Variants in PIK3C2G observed in about 807,000 individuals in gnomAD.
PIK3C2G encodes phosphatidylinositol-4-phosphate 3-kinase catalytic subunit type 2 gamma.
In PIK3C2G, 168 loss-of-function variants were observed where a neutral mutation model predicts 181.1. The ratio of observed to expected loss-of-function variants is 0.93; its 90% CI spans 0.82 to 1.05. The LOEUF is 1.05. Among genes scored for constraint, PIK3C2G ranks in the 50% least tolerant of loss-of-function variants. The pLI is 0.00. For missense variants in PIK3C2G, 1,869 were observed against 1,732.8 expected (o/e 1.08, Z -1.40); for synonymous variants, 573 against 592.2 (o/e 0.97, Z 0.47).
intron 18 of PIK3C2G, among the ~76,000 whole-genome samples, chr12:18,476,140 C>T (rs547761442): frequency 3.3e-5 from 5 of 152,216 alleles, no homozygotes; most frequent in Middle Eastern, 6.8e-3. Context: ...CATCCTTACA[C>T]GGGTGGATAA....
At chr12:18,334,110 A>C (rs930940943) in intron 8 of PIK3C2G, among the ~76,000 whole-genome samples, 3 of 152,178 alleles carry the variant, frequency 2.0e-5, no homozygotes, top group African/African-American at 7.2e-5. Context: ...ATAACATCAT[A>C]GTGCTGTTTT....
At chr12:18,691,758 A>G in the PIK3C2G span, among the ~76,000 whole-genome samples, 27 of 152,168 alleles carry the variant, frequency 1.8e-4, no homozygotes, top group Non-Finnish European at 7.4e-5. Context: ...AGGAGTACCA[A>G]CAATCCAGTG....
intron 32 of PIK3C2G, among the ~76,000 whole-genome samples, 200 bp from the exon 33 acceptor site, chr12:18,647,676 C>T (rs1443120907): frequency 6.6e-6 from 1 of 151,920 alleles, no homozygotes; most frequent in Non-Finnish European, 1.5e-5. Flanking sequence ...ACAAAAATAG[C>T]CTGTCATTAA....
intron 31 of PIK3C2G, among the ~76,000 whole-genome samples, chr12:18,622,514 A>C (rs192975908): frequency 6.6e-6 from 1 of 151,990 alleles, no homozygotes; most frequent in Admixed American, 6.6e-5. Flanking sequence ...GCTGCAATAA[A>C]TATGGCAGTG....
At chr12:18,541,039 C>T (rs1018916390) in intron 25 of PIK3C2G, among the ~76,000 whole-genome samples, 1 of 151,914 alleles carries the variant, frequency 6.6e-6, no homozygotes, top group African/African-American at 2.4e-5. Context: ...CTATTTTCTA[C>T]TTATGTATGT....
chr12:18,327,586 A>G (rs1175063729), intron 8 of PIK3C2G, among the ~76,000 whole-genome samples: 1 of 152,072 alleles, frequency 6.6e-6, no homozygotes, highest in African/African-American at 2.4e-5. Flanking sequence ...TTTTGTATCT[A>G]ATTTACAAAG....
At chr12:18,475,386 A>ACAC (rs1164243419) in intron 18 of PIK3C2G, among the ~76,000 whole-genome samples, 1 of 150,792 alleles carries the variant, frequency 6.6e-6, no homozygotes, top group Non-Finnish European at 1.5e-5. Flanking sequence ...ACACACACAC[A>ACAC]CACACACACA....
the PIK3C2G span, chr12:18,692,658 A>G: frequency 2.6e-5 from 17 of 644,816 alleles, no homozygotes; most frequent in Admixed American, 8.7e-5. Context: ...TGCAGGAGAA[A>G]AAAATCATTT....
intron 29 of PIK3C2G, among the ~76,000 whole-genome samples, chr12:18,574,725 A>G (rs1946142098): frequency 6.6e-6 from 1 of 152,212 alleles, no homozygotes; most frequent in African/African-American, 2.4e-5. Context: ...TTGTAACAGT[A>G]GGAAAACAGC....
At chr12:18,692,139 G>A in the PIK3C2G span, among the ~76,000 whole-genome samples, 14 of 152,134 alleles carry the variant, frequency 9.2e-5, no homozygotes, top group Non-Finnish European at 1.5e-4. Context: ...GCAGAGGAGC[G>A]CTCAGCAGCT....
At chr12:18,719,402 T>A in the PIK3C2G span, 5 of 1,288,260 alleles carry the variant, frequency 3.9e-6, no homozygotes, top group Non-Finnish European at 5.2e-6. Context: ...TATTTTTAAA[T>A]GTAATAGATT....
intron 18 of PIK3C2G, among the ~76,000 whole-genome samples, chr12:18,456,860 A>G (rs1565743241): frequency 1.3e-5 from 2 of 152,176 alleles, no homozygotes; most frequent in Non-Finnish European, 2.9e-5. Flanking sequence ...TACTCTCACC[A>G]ACGGCTGAAA....
At chr12:18,453,582 C>A (rs2135900948) in intron 18 of PIK3C2G, among the ~76,000 whole-genome samples, 1 of 152,184 alleles carries the variant, frequency 6.6e-6, no homozygotes, top group African/African-American at 2.4e-5. Flanking sequence ...TCAGGTTCAA[C>A]ATACAAGTTA....
At chr12:18,328,862 T>A (rs1951465846) in intron 8 of PIK3C2G, among the ~76,000 whole-genome samples, 1 of 151,894 alleles carries the variant, frequency 6.6e-6, no homozygotes, top group Non-Finnish European at 1.5e-5. Flanking sequence ...AAAATTGATT[T>A]GCATTCAGAA....
At chr12:18,675,975 G>A in the PIK3C2G span, among the ~76,000 whole-genome samples, 8 of 151,642 alleles carry the variant, frequency 5.3e-5, 1 homozygote, top group Non-Finnish European at 5.9e-5. Context: ...ATATAGCCAG[G>A]TAACAAGCCT....
chr12:18,698,435 G>T, the PIK3C2G span, among the ~76,000 whole-genome samples: 1 of 151,964 alleles, frequency 6.6e-6, no homozygotes, highest in African/African-American at 2.4e-5. Flanking sequence ...AAAAATCCAG[G>T]ATCTCTCTAA....
intron 19 of PIK3C2G, among the ~76,000 whole-genome samples, chr12:18,489,819 CAT>C (rs1273737418): frequency 1.3e-5 from 2 of 152,074 alleles, no homozygotes; most frequent in Non-Finnish European, 2.9e-5. Context: ...AAATCCCTCA[CAT>C]GTTTAAGATG....
At chr12:18,629,498 TA>T (rs1591708772) in intron 31 of PIK3C2G, among the ~76,000 whole-genome samples, 1 of 152,128 alleles carries the variant, frequency 6.6e-6, no homozygotes, top group South Asian at 2.1e-4. Flanking sequence ...ATGAAGTCTC[TA>T]AAAGAAAGTG....
chr12:18,414,762 C>G (rs192976637), intron 16 of PIK3C2G, among the ~76,000 whole-genome samples: 119 of 152,234 alleles, frequency 7.8e-4, no homozygotes, highest in African/African-American at 2.7e-3. Flanking sequence ...ATATTGCCAA[C>G]AAGTATGAAA....
Sources: gnomAD v4.1 joint callset for allele counts (sites outside exome capture counted in the v4.1 genomes callset) on GRCh38, gnomAD v4.1.1 for gene constraint, MANE v1.5 for transcripts, NCBI Gene and HGNC (gene_info 2026-07-23, HGNC 2026-07-21) for gene names.